ATG2B: variants seen among roughly 807,000 people sequenced by gnomAD.
The protein encoded by ATG2B is autophagy related 2B, also known as autophagy-related protein 2 homolog B.
A neutral mutation model predicts 241.3 loss-of-function variants in ATG2B; 121 were observed. The ratio of observed to expected loss-of-function variants is 0.50; its 90% CI spans 0.43 to 0.58. ATG2B has a LOEUF of 0.58. Among genes scored for constraint, ATG2B ranks in the 20% least tolerant of loss-of-function variants. The pLI, the probability that ATG2B is intolerant of heterozygous loss-of-function variation, is 0.00. For synonymous variants in ATG2B, 858 were observed against 876.6 expected (o/e 0.98, Z 0.37); for missense variants, 2,306 against 2,491.6 (o/e 0.93, Z 1.59).
At chr14:96,327,965 G>A (rs1389996456) in intron 14 of ATG2B, among the ~76,000 whole-genome samples, 1 of 152,118 alleles carries the variant, frequency 6.6e-6, no homozygotes, top group African/African-American at 2.4e-5. Context: ...TTACAGGTGT[G>A]TGCCACCATG....
In ATG2B at chr14:96,302,102, C is replaced by A; in HGVS notation, c.5044G>T (p.Val1682Leu). The change falls in exon 34 of 42, where the codon GTG becomes TTG. Residue 1682 changes from valine to leucine, a missense_variant. Val to Leu is a conservative substitution (Grantham distance 32, BLOSUM62 1). Coordinates refer to ENST00000359933, the MANE Select transcript of ATG2B (RefSeq NM_018036.7). Reference protein sequence around the residue: ...PRKAHSNMLTVKALHVCPESG... With the variant: ...PRKAHSNMLTLKALHVCPESG... ...TCTGGACACACGTGTAAGGCTTTCA[C>A]TGTCAACTACAAGGCAAGAAAGAGA... 6.2e-7 allele frequency: 1 copy of A among 1,608,006 alleles called. No homozygotes were observed. The highest frequency in any genetic ancestry group is 8.5e-7 in the Non-Finnish European group (1 of 1,174,788).
Position 96,305,725 on chromosome 14 carries a change from C to T in ATG2B, c.4597G>A (p.Asp1533Asn), listed in dbSNP as rs200262517. 1.7e-4 allele frequency: 268 copies of T among 1,614,048 alleles called. No individual in the cohort carries two copies. The highest frequency in any genetic ancestry group is 2.1e-4 in the Non-Finnish European group (246 of 1,180,026). ...NYFSLPVNKTDTSKAPLHFPI... is the reference protein window; with the variant it reads ...NYFSLPVNKTNTSKAPLHFPI... ...AAGTGTAAGGGGGCTTTGCTCGTATCGGTCTTATTAACGGGCAGACTGAAA... is the reference window on the plus strand; with the variant it reads ...AAGTGTAAGGGGGCTTTGCTCGTATTGGTCTTATTAACGGGCAGACTGAAA... Residue 1533 changes from aspartate (D) to asparagine (N), a missense_variant, in exon 31 of 42, where the codon GAT (aspartate) becomes AAT (asparagine). Coordinates refer to ENST00000359933, the MANE Select transcript of ATG2B (RefSeq NM_018036.7).
Position 96,285,563 on chromosome 14 carries a change from A to G in ATG2B, c.*192T>C, listed in dbSNP as rs1886311318. Reference sequence around the variant, plus strand: ...GACACCAGCCACCAAACATTTCTATAGGCAAGTATCAACTATAAATGTCAG... The same window carrying G: ...GACACCAGCCACCAAACATTTCTATGGGCAAGTATCAACTATAAATGTCAG... On this transcript the variant is annotated 3_prime_UTR_variant, in exon 42 of 42. Transcript: ENST00000359933. The surrounding 1 kb of genome is among the most constrained non-coding windows in gnomAD (Gnocchi z 4.2). 3.3e-6 allele frequency: 2 copies of G among 597,846 alleles called. No homozygotes were observed. The highest frequency in any genetic ancestry group is 5.9e-6 in the Non-Finnish European group (2 of 338,684). 37.0% of individuals were successfully genotyped at this position (597,846 alleles called of 1,614,324 possible). A position where few individuals can be genotyped will look rare whatever the true frequency, so the allele number is the denominator to read the frequency against.
rs1427353785 is a variant in ATG2B, at chr14:96,291,603, T to C, written c.5576A>G (p.His1859Arg). The change falls in exon 38 of 42, where the codon CAT becomes CGT. Residue 1859 changes from histidine to arginine, a missense_variant. By Grantham distance (29) the His-to-Arg change is conservative. Around this residue, in one of 2 missense-constraint regions of ATG2B, gnomAD observed 379 missense variants for 480.4 expected, o/e 0.79. Transcript: ENST00000359933. ...TTCATATAATAAATTCACTTACCCA[T>C]GTCGATAGGAAAGCCTCTTGAGCTT... ...ELKLKRLSYR[H>R]GLLGVDKLFS... is the part of the protein sequence containing the mutation. 1 of 1,597,402 alleles carries C rather than the reference T, an allele frequency of 6.3e-7. No individual in the cohort carries two copies. Among genetic ancestry groups the C allele is most frequent in the Non-Finnish European group, 8.6e-7 (1 of 1,168,932 alleles).
intron 14 of ATG2B, among the ~76,000 whole-genome samples, chr14:96,326,307 G>C (rs1887587334): frequency 6.6e-6 from 1 of 152,158 alleles, no homozygotes; most frequent in East Asian, 1.9e-4. Context: ...CAGTTTGAAA[G>C]ACTTTTCTAC....
At chr14:96,310,671 T>C (rs1249215709) in intron 28 of ATG2B, among the ~76,000 whole-genome samples, 1 of 152,180 alleles carries the variant, frequency 6.6e-6, no homozygotes. Context: ...GGAAGTCATA[T>C]ATGACAAAGT....
rs746475073 is a variant in ATG2B, at chr14:96,329,575, T to C, written c.1790A>G (p.Tyr597Cys). The C allele has an allele frequency of 7.4e-6, 12 of 1,610,750 alleles. No individual in the cohort carries two copies. In the South Asian group the frequency reaches 9.9e-5, roughly 13 times the overall value. ...YEQRQRSASRYFSTDMSIGQM... is the reference protein window; with the variant it reads ...YEQRQRSASRCFSTDMSIGQM... Reference sequence around the variant, plus strand: ...CCCAATGGACATATCAGTACTAAAATATCGGGAAGCTGATCTTTGTCTTTG... The same window carrying C: ...CCCAATGGACATATCAGTACTAAAACATCGGGAAGCTGATCTTTGTCTTTG... The change falls in exon 12 of 42, where the codon TAT becomes TGT. Residue 597 changes from tyrosine to cysteine, a missense_variant. Coordinates refer to ENST00000359933, the MANE Select transcript of ATG2B (RefSeq NM_018036.7).
At position 96,325,642 on chromosome 14, in the gene ATG2B, A is replaced by G. The variant is rs1298159226; in HGVS notation, c.2437+7T>C. On this transcript the variant is annotated splice_region_variant and intron_variant, in intron 15 of 41. Transcript: ENST00000359933. ...GATGGTTCTTTTACAGGCACATTCA[A>G]TCTTACCAATTAGTTCTCTAAAGGT... 1 of 1,607,764 alleles carries G rather than the reference A, an allele frequency of 6.2e-7. No homozygotes were observed. Among genetic ancestry groups the G allele is most frequent in the South Asian group, 1.1e-5 (1 of 90,074 alleles).
chr14:96,303,054 C>T lies in ATG2B; in HGVS notation c.5037+7G>A. 1 of 1,563,086 alleles carries T rather than the reference C, an allele frequency of 6.4e-7. No homozygotes were observed. The highest frequency in any genetic ancestry group is 8.7e-7 in the Non-Finnish European group (1 of 1,151,592). On this transcript the variant is annotated splice_region_variant and intron_variant, in intron 33 of 41. Coordinates refer to ENST00000359933, the MANE Select transcript of ATG2B (RefSeq NM_018036.7). ...TAACATAACACAACGATGAGGTTAA[C>T]TCTTACCATGTTGGAGTGAGCTTTT... is the stretch of plus-strand genomic sequence containing the variant.
intron 14 of ATG2B, 123 bp from the exon 15 acceptor site, chr14:96,326,045 C>CTG: frequency 3.3e-6 from 3 of 918,926 alleles, no homozygotes. Context: ...CATTAAAAGT[C>CTG]AATTCAAATT....
In ATG2B at chr14:96,301,339, C is replaced by A. The variant is rs181645039; in HGVS notation, c.5139+668G>T. Among the ~76,000 whole-genome samples the A allele has an allele frequency of 4.3e-3, 649 of 152,162 alleles. 26 individuals carry two copies. In the South Asian group the frequency reaches 0.067, roughly 16 times the overall value. ...AAAGCTACAGAACTAAGACTGGAAC[C>A]CAGGTCTGACTCCAAACCCATGCTT... On this transcript the variant is annotated intron_variant, in intron 34 of 41. Transcript: ENST00000359933.
chr14:96,350,571 T>C (rs1376804687), intron 1 of ATG2B, among the ~76,000 whole-genome samples: 2 of 152,208 alleles, frequency 1.3e-5, no homozygotes, highest in African/African-American at 4.8e-5. Context: ...TAAATGCGAT[T>C]TTTAAAAGAC....
intron 7 of ATG2B, 69 bp downstream of exon 7, chr14:96,334,336 T>C (rs1887815519): frequency 2.2e-6 from 2 of 913,202 alleles, no homozygotes; most frequent in African/African-American, 1.7e-5. Context: ...TGTACATACA[T>C]TACATATTTT....
rs2139876834 is a variant in ATG2B, at chr14:96,328,354, A to G, written c.2156T>C (p.Ile719Thr). The G allele has an allele frequency of 6.2e-7, 1 of 1,604,662 alleles. No homozygotes were observed. Among genetic ancestry groups the G allele is most frequent in the Non-Finnish European group, 8.5e-7 (1 of 1,175,584 alleles). ...SHMYTSYNKH[I>T]SLHKAFTEVF... ...CAGCTTTTGAATACTTACCAGACTA[A>G]TATGTTTATTATATGAAGTATACAT... Residue 719 changes from isoleucine to threonine, a missense_variant, in exon 14 of 42, where the codon ATT becomes ACT. Physicochemically the swap from Ile to Thr is moderately conservative, Grantham distance 89. Transcript: ENST00000359933.
Position 96,283,466 on chromosome 14 carries a change from G to A in ATG2B, c.*2289C>T, listed in dbSNP as rs1409186112. On this transcript the variant is annotated 3_prime_UTR_variant, in exon 42 of 42. Coordinates refer to ENST00000359933, the MANE Select transcript of ATG2B (RefSeq NM_018036.7). The stretch of plus-strand genomic sequence containing the variant: ...CTCTGTACAAAGCATGACGCCACAT[G>A]TGATCATTCTCACACGCACACACAG... 2 of 152,176 alleles carry A rather than the reference G, an allele frequency of 1.3e-5. No individual in the cohort carries two copies. The highest frequency in any genetic ancestry group is 2.9e-5 in the Non-Finnish European group (2 of 68,040). 9.4% of individuals were successfully genotyped at this position (152,176 alleles called of 1,614,324 possible). A position where few individuals can be genotyped will look rare whatever the true frequency, so the allele number is the denominator to read the frequency against.
intron 11 of ATG2B, among the ~76,000 whole-genome samples, chr14:96,330,455 CAG>C (rs1887703404): frequency 1.3e-5 from 2 of 152,038 alleles, no homozygotes; most frequent in South Asian, 4.1e-4. Context: ...AATTGTAAAA[CAG>C]AGTTTGCATG....
chr14:96,312,129 T>G lies in ATG2B; in HGVS notation c.3873A>C (p.Leu1291=). 3.1e-6 allele frequency: 5 copies of G among 1,602,070 alleles called. No homozygotes were observed. Among genetic ancestry groups the G allele is most frequent in the South Asian group, 1.1e-5 (1 of 88,448 alleles). The change falls in exon 26 of 42, where the codon CTA becomes CTC. Residue 1291 remains leucine, a synonymous_variant. Coordinates refer to ENST00000359933, the MANE Select transcript of ATG2B (RefSeq NM_018036.7). ...TAGTGACAGTATTGCATTTGTCAGA[T>G]AGATGTAAAGCAGCTTCATCCAAGA... The part of the protein sequence containing the change: ...RIILDEAALH[L]SDKCNTVTIN...
chr14:96,341,958 A>G (rs2139893761), intron 5 of ATG2B, among the ~76,000 whole-genome samples: 1 of 152,350 alleles, frequency 6.6e-6, no homozygotes, highest in South Asian at 2.1e-4. Context: ...AAGTTACAGC[A>G]GTAAGAAAAC....
At position 96,316,810 on chromosome 14, in the gene ATG2B, C is replaced by T. The variant is rs1488368969; in HGVS notation, c.3211-127G>A. On this transcript the variant is annotated intron_variant, in intron 20 of 41. Transcript: ENST00000359933. ...CCATACTGCAGCAAAGCAGTCTAATCCTTGAACTATTCAATATCATGGTAT... is the reference window on the plus strand; with the variant it reads ...CCATACTGCAGCAAAGCAGTCTAATTCTTGAACTATTCAATATCATGGTAT... The T allele has an allele frequency of 8.2e-6, 6 of 734,928 alleles. No homozygotes were observed. In the African/African-American group the frequency reaches 1.1e-4, roughly 13 times the overall value. The allele number at this position is 734,928 out of a possible 1,614,324, so 45.5% of individuals were successfully genotyped here.
Sources: gnomAD v4.1 joint callset for allele counts (sites outside exome capture counted in the v4.1 genomes callset) on GRCh38, gnomAD v4.1.1 for gene constraint, gnomAD v4.1.1 regional missense constraint, Gnocchi (gnomAD v3.1) non-coding constraint, MANE v1.5 for transcripts, NCBI Gene and HGNC (gene_info 2026-07-23, HGNC 2026-07-21) for gene names.